The following FHIT variants were observed in gnomAD, a reference collection of about 807,000 sequenced individuals.
FHIT encodes fragile histidine triad diadenosine triphosphatase, also known as bis(5'-adenosyl)-triphosphatase.
Under a neutral mutation model 17.9 loss-of-function variants are expected in FHIT, and 19 were observed. The observed-to-expected ratio is 1.06, with a 90% CI of 0.74 to 1.56. FHIT has a LOEUF of 1.56. FHIT is among the 40% of genes most tolerant of loss of function. The probability of loss-of-function intolerance (pLI) is 0.00; values close to 1 mark genes in which losing one functional copy is unlikely to be tolerated. For missense variants in FHIT, 248 were observed against 189.2 expected (o/e 1.31, Z -1.82); for synonymous variants, 81 against 69.7 (o/e 1.16, Z -0.81).
At chr3:61,128,956 C>G (rs76474707) in intron 2 of FHIT, among the ~76,000 whole-genome samples, 2,974 of 152,208 alleles carry the variant, frequency 0.02, 105 homozygotes, top group African/African-American at 0.067. Context: ...AAATGCCAAG[C>G]TCCAGTAACT....
chr3:60,610,063 G>A (rs954236724), intron 4 of FHIT, among the ~76,000 whole-genome samples: 2 of 152,080 alleles, frequency 1.3e-5, no homozygotes, highest in African/African-American at 2.4e-5. Flanking sequence ...AGACCACACA[G>A]TAAATAAACT....
At chr3:60,079,281 C>T (rs1703170118) in intron 5 of FHIT, among the ~76,000 whole-genome samples, 1 of 152,164 alleles carries the variant, frequency 6.6e-6, no homozygotes, top group Non-Finnish European at 1.5e-5. Context: ...AGCAGAAACA[C>T]AGGCTCCTCA....
At chr3:60,640,463 G>A (rs1249138519) in intron 4 of FHIT, among the ~76,000 whole-genome samples, 4 of 152,132 alleles carry the variant, frequency 2.6e-5, no homozygotes, top group African/African-American at 9.7e-5. Context: ...AAATTTCTGG[G>A]TACTAGTGCT....
chr3:61,174,699 C>T (rs1656498932), intron 2 of FHIT, among the ~76,000 whole-genome samples: 1 of 152,198 alleles, frequency 6.6e-6, no homozygotes, highest in South Asian at 2.1e-4. Flanking sequence ...ATCTTTTCCA[C>T]TTATTAATTT....
chr3:60,552,126 G>A (rs771823567), intron 4 of FHIT, among the ~76,000 whole-genome samples: 1 of 152,084 alleles, frequency 6.6e-6, no homozygotes, highest in African/African-American at 2.4e-5. Flanking sequence ...CACTTAGCAT[G>A]TGTTCAAGAT....
chr3:61,210,665 T>A (rs1226959011), intron 1 of FHIT, among the ~76,000 whole-genome samples: 1 of 152,148 alleles, frequency 6.6e-6, no homozygotes, highest in Non-Finnish European at 1.5e-5. Flanking sequence ...AAGTGCAGTA[T>A]TACGGTGGGA....
At chr3:60,930,351 A>C (rs1553771360) in intron 3 of FHIT, among the ~76,000 whole-genome samples, 2 of 152,172 alleles carry the variant, frequency 1.3e-5, no homozygotes, top group South Asian at 4.1e-4. Context: ...GTAACAAAAG[A>C]CAAAATTGAC....
Position 61,054,359 on chromosome 3 carries a change from C to CT in FHIT, c.-163-12261dup, listed in dbSNP as rs1284922932. ...TTGTAATGTTTTTGTAACAAATTAT[C>CT]TCTTTTTTTTTCCAGAAAAAAAGGC... On this transcript the variant is annotated intron_variant, in intron 2 of 9. Transcript: ENST00000492590. 4.2e-5 allele frequency among the ~76,000 whole-genome samples: 4 copies of CT among 95,832 alleles called. No homozygotes were observed. In the East Asian group the frequency reaches 2.0e-3, roughly 49 times the overall value. 62.9% of individuals were successfully genotyped at this position (95,832 alleles called of 152,430 possible). A position where few individuals can be genotyped will look rare whatever the true frequency, so the allele number is the denominator to read the frequency against.
At chr3:59,878,038 T>C (rs560914249) in intron 8 of FHIT, among the ~76,000 whole-genome samples, 2 of 152,312 alleles carry the variant, frequency 1.3e-5, no homozygotes, top group Non-Finnish European at 2.9e-5. Context: ...TAATAAGGAA[T>C]AAGTAGTTAT....
At chr3:60,454,458 C>T (rs2031956888) in intron 5 of FHIT, among the ~76,000 whole-genome samples, 1 of 151,488 alleles carries the variant, frequency 6.6e-6, no homozygotes, top group African/African-American at 2.4e-5. Context: ...GATCTCGGCT[C>T]ACTGCAACCT....
intron 4 of FHIT, among the ~76,000 whole-genome samples, chr3:60,615,919 G>C (rs1262126790): frequency 2.0e-5 from 3 of 152,194 alleles, no homozygotes; most frequent in Admixed American, 6.5e-5. Flanking sequence ...GGAAGAAAAA[G>C]AGATAAAGAA....
intron 3 of FHIT, among the ~76,000 whole-genome samples, chr3:60,963,009 C>T (rs148571993): frequency 0.011 from 1,691 of 152,104 alleles, 23 homozygotes; most frequent in African/African-American, 0.038. Flanking sequence ...GAATGGTACC[C>T]GCTCCTCTTT....
In FHIT at chr3:60,949,641, T is replaced by C. The variant is rs1004346424; in HGVS notation, c.-111+92406A>G. ...CTCCGGCTTTGCCCAATCAATAAGA[T>C]ATTTTGCATCTTGCAGATATAATGT... On this transcript the variant is annotated intron_variant, in intron 3 of 9. Transcript: ENST00000492590. Among the ~76,000 whole-genome samples the C allele has an allele frequency of 6.6e-5, 10 of 152,366 alleles. No homozygotes were observed. The South Asian group carries it at 1.4e-3, about 22-fold the overall frequency.
chr3:60,215,751 T>C (rs560689575), intron 5 of FHIT, among the ~76,000 whole-genome samples: 55 of 152,270 alleles, frequency 3.6e-4, no homozygotes, highest in African/African-American at 1.3e-3. Context: ...GAGCAAATAA[T>C]AGTTAACACT....
chr3:59,913,770 T>C (rs7622441), intron 8 of FHIT, among the ~76,000 whole-genome samples: 1 of 152,020 alleles, frequency 6.6e-6, no homozygotes, highest in Non-Finnish European at 1.5e-5. Context: ...ATTTTAAATA[T>C]GGGAAACATA....
At chr3:60,582,269 T>TG (rs1188337161) in intron 4 of FHIT, among the ~76,000 whole-genome samples, 6 of 152,148 alleles carry the variant, frequency 3.9e-5, no homozygotes, top group South Asian at 4.2e-4. Flanking sequence ...CTGTCCCATG[T>TG]GGGGGGCGAC....
intron 8 of FHIT, among the ~76,000 whole-genome samples, chr3:59,919,204 C>T (rs973432858): frequency 6.6e-6 from 1 of 152,066 alleles, no homozygotes; most frequent in Non-Finnish European, 1.5e-5. Context: ...ATGCACTGAC[C>T]AAATGTAGAT....
At chr3:61,118,547 C>G (rs1005785836) in intron 2 of FHIT, among the ~76,000 whole-genome samples, 1 of 152,166 alleles carries the variant, frequency 6.6e-6, no homozygotes, top group African/African-American at 2.4e-5. Context: ...TCAAAGACAT[C>G]ATTTTTCATA....
At chr3:60,366,168 G>T (rs371140018) in intron 5 of FHIT, among the ~76,000 whole-genome samples, 2 of 152,146 alleles carry the variant, frequency 1.3e-5, no homozygotes, top group South Asian at 2.1e-4. Flanking sequence ...GGAAAAAGGC[G>T]CTATGTTCAG....
Sources: allele counts gnomAD v4.1 joint callset (sites outside exome capture counted in the v4.1 genomes callset), GRCh38; gene constraint gnomAD v4.1.1; transcripts MANE v1.5; gene names NCBI Gene and HGNC (gene_info 2026-07-23, HGNC 2026-07-21).